DCC: variants seen among roughly 807,000 people sequenced by gnomAD.
DCC encodes netrin receptor DCC.
DCC carries 58 observed loss-of-function variants against 172.5 expected under a neutral mutation model. The observed-to-expected ratio is 0.34, with a 90% confidence interval of 0.27 to 0.42. The LOEUF (loss-of-function observed/expected upper bound fraction) is 0.42. Among genes scored for constraint, DCC ranks in the 10% least tolerant of loss-of-function variants. DCC has a pLI of 1.00. For synonymous variants in DCC, 709 were observed against 644.5 expected (o/e 1.10, Z -1.52); for missense variants, 1,740 against 1,791.0 (o/e 0.97, Z 0.51).
At chr18:53,046,030 A>G (rs2042233299) in intron 5 of DCC, among the ~76,000 whole-genome samples, 1 of 151,818 alleles carries the variant, frequency 6.6e-6, no homozygotes, top group African/African-American at 2.4e-5. Context: ...CCTCACTTAT[A>G]AAGCAGTGAA....
intron 13 of DCC, among the ~76,000 whole-genome samples, chr18:53,307,893 G>A (rs12966647): frequency 8.2e-5 from 8 of 97,540 alleles, no homozygotes; most frequent in African/African-American, 3.6e-4. Context: ...CAATGTGTGT[G>A]TATGTATATA....
intron 2 of DCC, chr18:52,892,677 C>T (rs965339770): frequency 1.8e-4 from 27 of 152,030 alleles, no homozygotes; most frequent in African/African-American, 6.5e-4. Context: ...GCTATTATAT[C>T]ATGTTATTCT....
At chr18:53,209,105 T>G (rs2055706381) in intron 11 of DCC, among the ~76,000 whole-genome samples, 1 of 152,180 alleles carries the variant, frequency 6.6e-6, no homozygotes, top group Non-Finnish European at 1.5e-5. Flanking sequence ...AGCTAATATT[T>G]TTATTTTTTG....
chr18:53,144,162 T>C (rs371884928), intron 7 of DCC, among the ~76,000 whole-genome samples: 1 of 152,238 alleles, frequency 6.6e-6, no homozygotes. Context: ...TTTAATAATA[T>C]GGAAAATGTC....
At chr18:52,768,039 G>C (rs1226977348) in intron 2 of DCC, among the ~76,000 whole-genome samples, 2 of 152,172 alleles carry the variant, frequency 1.3e-5, no homozygotes, top group African/African-American at 4.8e-5. Context: ...AAAGCAATTT[G>C]GTGAAGTGAA....
At chr18:52,876,339 C>T (rs2039402707) in intron 2 of DCC, among the ~76,000 whole-genome samples, 1 of 152,020 alleles carries the variant, frequency 6.6e-6, no homozygotes, top group African/African-American at 2.4e-5. Context: ...TGATAAATGC[C>T]ATTTAGAGTT....
intron 1 of DCC, among the ~76,000 whole-genome samples, chr18:52,368,490 A>G (rs1458854816): frequency 6.6e-6 from 1 of 152,174 alleles, no homozygotes. Context: ...TTAGCTCCCT[A>G]TGCGTCATTC....
At chr18:52,757,438 C>T (rs2145142328) in intron 2 of DCC, among the ~76,000 whole-genome samples, 1 of 152,252 alleles carries the variant, frequency 6.6e-6, no homozygotes, top group South Asian at 2.1e-4. Flanking sequence ...ACATAAAAAT[C>T]CCATTTTATT....
intron 1 of DCC, among the ~76,000 whole-genome samples, chr18:52,614,989 G>C (rs1010677904): frequency 6.6e-6 from 1 of 152,162 alleles, no homozygotes; most frequent in Non-Finnish European, 1.5e-5. Flanking sequence ...TAAAATGAAA[G>C]AAAGGGAAAT....
intron 5 of DCC, among the ~76,000 whole-genome samples, chr18:53,030,268 T>C (rs1248420465): frequency 6.6e-6 from 1 of 152,144 alleles, no homozygotes; most frequent in African/African-American, 2.4e-5. Context: ...GATAAAAGTA[T>C]AGGAGATATA....
chr18:52,901,001 G>C (rs1410234075), intron 2 of DCC, among the ~76,000 whole-genome samples: 1 of 152,194 alleles, frequency 6.6e-6, no homozygotes, highest in Non-Finnish European at 1.5e-5. Flanking sequence ...AGTGTATTGA[G>C]TACAGTACTG....
At chr18:52,965,017 ATC>A (rs1323113344) in intron 5 of DCC, 1 of 152,104 alleles carries the variant, frequency 6.6e-6, no homozygotes, top group African/African-American at 2.4e-5. Flanking sequence ...ACCCTTTTGC[ATC>A]TCTCTTTTGA....
chr18:52,976,799 C>T (rs952814901), intron 5 of DCC, among the ~76,000 whole-genome samples: 7 of 152,116 alleles, frequency 4.6e-5, no homozygotes, highest in Middle Eastern at 6.3e-3. Flanking sequence ...TAATAGCCAC[C>T]ATCTGTTTTC....
At chr18:53,217,328 C>G (rs1329607382) in intron 12 of DCC, among the ~76,000 whole-genome samples, 1 of 129,812 alleles carries the variant, frequency 7.7e-6, no homozygotes, top group Admixed American at 7.6e-5. Flanking sequence ...CACACACACA[C>G]ACACACAAAT....
At chr18:52,580,789 A>G (rs866047131) in intron 1 of DCC, among the ~76,000 whole-genome samples, 1 of 152,320 alleles carries the variant, frequency 6.6e-6, no homozygotes, top group Non-Finnish European at 1.5e-5. Context: ...TGTTTTAATT[A>G]TCTCAGCAAT....
At chr18:52,985,804 A>C (rs73460726) in intron 5 of DCC, among the ~76,000 whole-genome samples, 1 of 151,934 alleles carries the variant, frequency 6.6e-6, no homozygotes, top group Non-Finnish European at 1.5e-5. Context: ...TCAACTATTT[A>C]AGCTTTTCTA....
intron 5 of DCC, among the ~76,000 whole-genome samples, chr18:52,976,552 T>A (rs1371502465): frequency 6.6e-6 from 1 of 152,228 alleles, no homozygotes; most frequent in Non-Finnish European, 1.5e-5. Flanking sequence ...CTTCAATATA[T>A]GAACTTTGCA....
intron 5 of DCC, among the ~76,000 whole-genome samples, chr18:52,933,478 A>G (rs1354040523): frequency 2.0e-5 from 3 of 151,834 alleles, no homozygotes; most frequent in Non-Finnish European, 2.9e-5. Context: ...GACAGGAGGT[A>G]GTAAATGTGC....
intron 5 of DCC, among the ~76,000 whole-genome samples, chr18:52,938,373 G>A (rs2040412005): frequency 6.6e-6 from 1 of 152,136 alleles, no homozygotes; most frequent in South Asian, 2.1e-4. Flanking sequence ...GATGAGTGAT[G>A]TCTGGTAGTG....
Sources: gnomAD v4.1 joint callset for allele counts (sites outside exome capture counted in the v4.1 genomes callset) on GRCh38, gnomAD v4.1.1 for gene constraint, MANE v1.5 for transcripts, NCBI Gene and HGNC (gene_info 2026-07-23, HGNC 2026-07-21) for gene names.